Variants in ATP8A2 observed in about 807,000 individuals in gnomAD.
ATP8A2 encodes phospholipid-transporting ATPase IB.
In ATP8A2, 100 loss-of-function variants were observed where a neutral mutation model predicts 165.6. The observed-to-expected ratio is 0.60, with a 90% CI of 0.51 to 0.71. The LOEUF (loss-of-function observed/expected upper bound fraction) is 0.71. Among genes scored for constraint, ATP8A2 ranks in the 30% least tolerant of loss-of-function variants. The pLI is 0.00. For synonymous variants in ATP8A2, 543 were observed against 548.8 expected, an observed-to-expected ratio of 0.99 and a Z score of 0.15; for missense variants, 1,227 against 1,479.5, an observed-to-expected ratio of 0.83 and a Z score of 2.80.
At chr13:25,431,511 A>C (rs1191905801) in intron 1 of ATP8A2, among the ~76,000 whole-genome samples, 3 of 149,870 alleles carry the variant, frequency 2.0e-5, no homozygotes, top group Admixed American at 1.3e-4. Context: ...GCGGGGGGGG[A>C]ATCTCATACA....
intron 24 of ATP8A2, among the ~76,000 whole-genome samples, chr13:25,664,689 A>G (rs925964501): frequency 1.3e-5 from 2 of 152,180 alleles, no homozygotes; most frequent in Non-Finnish European, 2.9e-5. Flanking sequence ...TTGATCAAGC[A>G]GATATAGAAA....
At chr13:26,012,918 T>C (rs1318656) in intron 36 of ATP8A2, among the ~76,000 whole-genome samples, 146,818 of 152,226 alleles carry the variant, frequency 0.96, 70,982 homozygotes, top group East Asian at 1. Context: ...GCAGTATGAC[T>C]TTTAAACTGT....
chr13:25,676,947 T>C (rs1188228057), intron 24 of ATP8A2, among the ~76,000 whole-genome samples: 1 of 152,186 alleles, frequency 6.6e-6, no homozygotes, highest in Non-Finnish European at 1.5e-5. Flanking sequence ...TCTAACTTCT[T>C]TTTTTGTTTT....
At chr13:25,799,160 C>T (rs78268314) in intron 27 of ATP8A2, among the ~76,000 whole-genome samples, 3,742 of 151,762 alleles carry the variant, frequency 0.025, 148 homozygotes, top group African/African-American at 0.086. Flanking sequence ...TTGTAAAATG[C>T]GATAAGGCCA....
At chr13:25,378,842 GTGA>G (rs1310090038) in intron 1 of ATP8A2, among the ~76,000 whole-genome samples, 1 of 152,238 alleles carries the variant, frequency 6.6e-6, no homozygotes, top group Admixed American at 6.5e-5. Context: ...AGCAAAGGAA[GTGA>G]GTCTGGTGCT....
chr13:25,816,415 A>G (rs929525914), intron 27 of ATP8A2, among the ~76,000 whole-genome samples: 5 of 151,950 alleles, frequency 3.3e-5, no homozygotes, highest in African/African-American at 1.2e-4. Context: ...TGTTCTCTCT[A>G]CTTTCAGTGC....
At chr13:25,880,503 A>G (rs545273459) in intron 33 of ATP8A2, among the ~76,000 whole-genome samples, 1 of 152,300 alleles carries the variant, frequency 6.6e-6, no homozygotes, top group East Asian at 1.9e-4. Context: ...GTTGCTCTCC[A>G]GCCATAATCC....
chr13:25,829,692 A>G (rs572175632), intron 28 of ATP8A2, among the ~76,000 whole-genome samples: 4 of 57,502 alleles, frequency 7.0e-5, no homozygotes, highest in African/African-American at 1.9e-4. Context: ...ATATATATAT[A>G]TATATATATA....
chr13:25,478,415 C>T (rs1221488411), intron 2 of ATP8A2, among the ~76,000 whole-genome samples: 2 of 152,112 alleles, frequency 1.3e-5, no homozygotes, highest in Admixed American at 6.6e-5. Context: ...ATCAGCAACC[C>T]TTTCAAGAGG....
At chr13:25,926,434 T>C (rs1370300710) in intron 33 of ATP8A2, among the ~76,000 whole-genome samples, 1 of 152,242 alleles carries the variant, frequency 6.6e-6, no homozygotes, top group East Asian at 1.9e-4. Flanking sequence ...CTGTAACTTT[T>C]ATGCCATTTA....
At chr13:25,898,554 G>T (rs868212274) in intron 33 of ATP8A2, among the ~76,000 whole-genome samples, 31 of 152,258 alleles carry the variant, frequency 2.0e-4, no homozygotes, top group African/African-American at 7.2e-4. Context: ...CTTCAAAGCT[G>T]TCAGACAGGG....
intron 2 of ATP8A2, among the ~76,000 whole-genome samples, chr13:25,526,611 G>A (rs927449242): frequency 1.3e-5 from 2 of 152,162 alleles, no homozygotes; most frequent in Admixed American, 6.5e-5. Flanking sequence ...GTGCCAAAGG[G>A]GATAGCCTAG....
At chr13:25,602,122 G>C (rs2040403565) in intron 24 of ATP8A2, among the ~76,000 whole-genome samples, 1 of 152,122 alleles carries the variant, frequency 6.6e-6, no homozygotes, top group Non-Finnish European at 1.5e-5. Context: ...TAGTAAGATT[G>C]TGGTATACTA....
intron 24 of ATP8A2, among the ~76,000 whole-genome samples, chr13:25,690,131 T>TG (rs1019171480): frequency 2.0e-5 from 3 of 148,964 alleles, no homozygotes; most frequent in African/African-American, 7.4e-5. Flanking sequence ...TTTTCAGAGT[T>TG]TTTTTTTTTT....
chr13:25,576,808 C>G (rs2039630885), intron 19 of ATP8A2, among the ~76,000 whole-genome samples: 1 of 152,140 alleles, frequency 6.6e-6, no homozygotes, highest in Non-Finnish European at 1.5e-5. Flanking sequence ...TGGAATTCTC[C>G]TTTTCTGTTT....
chr13:25,882,938 A>ATGATGG (rs1555284474), intron 33 of ATP8A2, among the ~76,000 whole-genome samples: 2 of 146,600 alleles, frequency 1.4e-5, no homozygotes, highest in Non-Finnish European at 3.0e-5. Context: ...GATGATGATG[A>ATGATGG]TGGTGATGGT....
At chr13:25,954,312 C>A (rs752014857) in intron 33 of ATP8A2, among the ~76,000 whole-genome samples, 1 of 152,192 alleles carries the variant, frequency 6.6e-6, no homozygotes, top group Non-Finnish European at 1.5e-5. Flanking sequence ...TCTAGATTCC[C>A]CCTCTCTGGG....
intron 1 of ATP8A2, among the ~76,000 whole-genome samples, chr13:25,435,227 T>C (rs1379381497): frequency 6.6e-6 from 1 of 151,832 alleles, no homozygotes; most frequent in East Asian, 1.9e-4. Context: ...TTCAAGCGAT[T>C]CTCCTGCCTC....
At chr13:25,812,961 C>T (rs1406666930) in intron 27 of ATP8A2, among the ~76,000 whole-genome samples, 1 of 152,090 alleles carries the variant, frequency 6.6e-6, no homozygotes, top group African/African-American at 2.4e-5. Flanking sequence ...CCATTACCCT[C>T]AGCAAACTAA....
Sources: gnomAD v4.1 joint callset for allele counts (sites outside exome capture counted in the v4.1 genomes callset) on GRCh38, gnomAD v4.1.1 for gene constraint, MANE v1.5 for transcripts, NCBI Gene and HGNC (gene_info 2026-07-23, HGNC 2026-07-21) for gene names.